KLHDC4: variants seen among roughly 807,000 people sequenced by gnomAD.
KLHDC4 encodes the protein kelch domain-containing protein 4.
In KLHDC4, 90 loss-of-function variants were observed where a neutral mutation model predicts 62.4. The observed-to-expected ratio is 1.44, with a 90% CI of 1.22 to 1.72. The LOEUF (loss-of-function observed/expected upper bound fraction) is 1.72. Among genes scored for constraint, KLHDC4 ranks in the 40% most tolerant of loss-of-function variants. The pLI is 0.00. For synonymous variants in KLHDC4, 386 were observed against 284.4 expected, an observed-to-expected ratio of 1.36 and a Z score of -3.59; for missense variants, 1,025 against 699.7, an observed-to-expected ratio of 1.47 and a Z score of -5.25.
intron 4 of KLHDC4, among the ~76,000 whole-genome samples, chr16:87,749,403 C>T (rs58273871): frequency 6.6e-6 from 1 of 151,666 alleles, no homozygotes; most frequent in Non-Finnish European, 1.5e-5. Flanking sequence ...AAAATACAAA[C>T]ATTAGCCGGG....
chr16:87,712,524 G>A (rs996080544), intron 8 of KLHDC4, among the ~76,000 whole-genome samples: 1 of 152,222 alleles, frequency 6.6e-6, no homozygotes, highest in Non-Finnish European at 1.5e-5. Context: ...GGGGGCTGAC[G>A]AGCAGAGCAC....
chr16:87,738,137 T>G (rs1314876750), intron 5 of KLHDC4, among the ~76,000 whole-genome samples: 2 of 152,108 alleles, frequency 1.3e-5, no homozygotes, highest in African/African-American at 2.4e-5. Context: ...ATTCCTATGG[T>G]GACCTGTACT....
intron 8 of KLHDC4, among the ~76,000 whole-genome samples, chr16:87,712,798 C>T (rs1414925892): frequency 6.6e-6 from 1 of 152,228 alleles, no homozygotes; most frequent in Non-Finnish European, 1.5e-5. Flanking sequence ...GTCCCCTCTC[C>T]TGGGGAGGCT....
At chr16:87,710,269 G>A (rs1199853340) in intron 9 of KLHDC4, 1 of 152,772 alleles carries the variant, frequency 6.5e-6, no homozygotes, top group Non-Finnish European at 1.5e-5. Context: ...GGGTCAGTCT[G>A]GACCCTTCTG....
chr16:87,738,314 C>T (rs1597215655), intron 5 of KLHDC4, among the ~76,000 whole-genome samples: 1 of 152,134 alleles, frequency 6.6e-6, no homozygotes, highest in Non-Finnish European at 1.5e-5. Context: ...CCCTTCCTCA[C>T]ATCAGGAGAA....
intron 8 of KLHDC4, among the ~76,000 whole-genome samples, chr16:87,713,608 AG>A (rs1426147436): frequency 6.6e-6 from 1 of 152,020 alleles, no homozygotes; most frequent in East Asian, 1.9e-4. Context: ...TCCGCTTCAG[AG>A]GTCTGTGAGA....
intron 2 of KLHDC4, among the ~76,000 whole-genome samples, chr16:87,756,938 C>T (rs538823330): frequency 3.3e-5 from 5 of 151,922 alleles, no homozygotes; most frequent in Admixed American, 6.6e-5. Flanking sequence ...CTCAGCCCTC[C>T]GAGTGGCTGG....
chr16:87,746,404 AGAGT>A (rs943195462), intron 5 of KLHDC4, among the ~76,000 whole-genome samples: 5 of 152,064 alleles, frequency 3.3e-5, no homozygotes, highest in African/African-American at 1.2e-4. Flanking sequence ...AGAGAGAAAG[AGAGT>A]GAGAGAAAGA....
Position 87,701,381 on chromosome 16 carries a change from T to C in KLHDC4, c.*258A>G, listed in dbSNP as rs1245236698. The C allele has an allele frequency of 1.2e-5, 4 of 323,348 alleles. No homozygotes were observed. The Admixed American group carries it at 1.6e-4, about 13-fold the overall frequency. The allele number at this position is 323,348 out of a possible 1,614,324, so 20.0% of individuals were successfully genotyped here. ...AGAAGCTGAATGCTCCTCCCAAGCT[T>C]CAGCCCACCCATTAGGAACAAATGC... is the stretch of plus-strand genomic sequence containing the variant. On this transcript the variant is annotated 3_prime_UTR_variant, in exon 1 of 1. Transcript: ENST00000446344.
chr16:87,759,829 C>A (rs913546700), intron 2 of KLHDC4, among the ~76,000 whole-genome samples: 2 of 144,474 alleles, frequency 1.4e-5, no homozygotes, highest in African/African-American at 5.2e-5. Flanking sequence ...AGAAAAGCAC[C>A]AAACACAACT....
chr16:87,763,093 T>C (rs1234079908), intron 1 of KLHDC4, among the ~76,000 whole-genome samples: 12 of 152,206 alleles, frequency 7.9e-5, no homozygotes, highest in Non-Finnish European at 2.9e-5. Flanking sequence ...CGATGCAATA[T>C]TTAAAACACA....
At chr16:87,738,259 C>G (rs960988178) in intron 5 of KLHDC4, among the ~76,000 whole-genome samples, 1 of 152,176 alleles carries the variant, frequency 6.6e-6, no homozygotes, top group Non-Finnish European at 1.5e-5. Context: ...CTCCAGGAAA[C>G]TGACTTTCAC....
downstream of KLHDC4, among the ~76,000 whole-genome samples, chr16:87,706,882 G>A (rs1345798426): frequency 1.3e-5 from 2 of 152,230 alleles, no homozygotes; most frequent in African/African-American, 2.4e-5. Flanking sequence ...GCGGGGAGGT[G>A]CTCACAGGGG....
Position 87,709,576 on chromosome 16 carries a change from T to G in KLHDC4, c.1136A>C (p.Gln379Pro). ...CTCCTTGACCAGCTGCACAGGCCCC[T>G]GGGTGCCAGCTCCCCCACACGCCGG... is the stretch of plus-strand genomic sequence containing the variant. ...SRPACGGAGT[Q>P]GPVQLVKEVV... Residue 379 changes from glutamine (Q) to proline (P), a missense_variant, in exon 10 of 12, where the codon CAG becomes CCG. Coordinates refer to ENST00000270583, the MANE Select transcript of KLHDC4 (RefSeq NM_017566.4). The G allele has an allele frequency of 6.2e-7, 1 of 1,613,034 alleles. No homozygotes were observed. The highest frequency in any genetic ancestry group is 1.3e-5 in the African/African-American group (1 of 75,050).
chr16:87,733,078 G>T (rs145846757), intron 5 of KLHDC4, among the ~76,000 whole-genome samples: 2 of 144,226 alleles, frequency 1.4e-5, no homozygotes, highest in African/African-American at 5.3e-5. Flanking sequence ...AGCTTTTATC[G>T]GTGAAAAGGC....
chr16:87,710,902 T>G, intron 9 of KLHDC4: 1 of 268,260 alleles, frequency 3.7e-6, no homozygotes, highest in South Asian at 6.5e-5. Flanking sequence ...CCAGGGAAGC[T>G]CAAGGGTCAT....
chr16:87,712,198 TCAAA>T (rs779912713), intron 8 of KLHDC4, among the ~76,000 whole-genome samples: 3 of 151,962 alleles, frequency 2.0e-5, no homozygotes, highest in African/African-American at 4.8e-5. Flanking sequence ...GTGCCAACCC[TCAAA>T]CAGAGCCCAA....
intron 1 of KLHDC4, chr16:87,765,415 C>T (rs1310800029): frequency 2.1e-6 from 1 of 487,156 alleles, no homozygotes; most frequent in Non-Finnish European, 4.0e-6. Context: ...GAGGCAGCCC[C>T]CGGCTCAACC....
exon 1 of KLHDC4, chr16:87,702,345 G>A (rs1308770388): frequency 1.8e-5 from 8 of 450,828 alleles, no homozygotes; most frequent in Non-Finnish European, 2.7e-5. Flanking sequence ...AGAGGAAGAT[G>A]GGTGTGAGGG....
Sources: gnomAD v4.1 joint callset for allele counts (sites outside exome capture counted in the v4.1 genomes callset) on GRCh38, gnomAD v4.1.1 for gene constraint, MANE v1.5 for transcripts, NCBI Gene and HGNC (gene_info 2026-07-23, HGNC 2026-07-21) for gene names.